The following HKDC1 variants were observed in gnomAD, a reference collection of about 807,000 sequenced individuals.
The protein encoded by HKDC1 is hexokinase domain containing 1.
A neutral mutation model predicts 96.6 loss-of-function variants in HKDC1; 66 were observed. The observed-to-expected ratio is 0.68, with a 90% CI of 0.56 to 0.84. The LOEUF is 0.84. Among genes scored for constraint, HKDC1 ranks in the 40% least tolerant of loss-of-function variants. The probability of loss-of-function intolerance (pLI) is 0.00; values close to 1 mark genes in which losing one functional copy is unlikely to be tolerated. For synonymous variants in HKDC1, 466 were observed against 473.1 expected (o/e 0.98, Z 0.20); for missense variants, 1,211 against 1,208.1 (o/e 1.00, Z -0.04).
intron 7 of HKDC1, 66 bp downstream of exon 7, chr10:69,243,431 G>T: frequency 7.2e-7 from 1 of 1,385,108 alleles, no homozygotes; most frequent in South Asian, 1.5e-5. Flanking sequence ...CAGGTCCCCT[G>T]GCTACCTGGG....
At chr10:69,242,286 G>C (rs933040444) in intron 6 of HKDC1, among the ~76,000 whole-genome samples, 12 of 66,834 alleles carry the variant, frequency 1.8e-4, no homozygotes, top group Non-Finnish European at 1.8e-4. Context: ...CCACAGATTG[G>C]GGGGGCCACG....
At chr10:69,260,235 C>A (rs1843784717) in intron 15 of HKDC1, among the ~76,000 whole-genome samples, 1 of 152,206 alleles carries the variant, frequency 6.6e-6, no homozygotes, top group Non-Finnish European at 1.5e-5. Context: ...GAGGCTCAGA[C>A]AAGACCAAGA....
intron 6 of HKDC1, among the ~76,000 whole-genome samples, chr10:69,242,656 G>A (rs909961205): frequency 2.6e-5 from 4 of 152,318 alleles, no homozygotes; most frequent in South Asian, 2.1e-4. Context: ...TTTCCTTGGA[G>A]CGATTTTGTG....
At chr10:69,264,101 C>T (rs966236656) in intron 16 of HKDC1, among the ~76,000 whole-genome samples, 3 of 152,028 alleles carry the variant, frequency 2.0e-5, no homozygotes, top group African/African-American at 7.2e-5. Context: ...GGTGAGCCGA[C>T]ATCATTGCAC....
intron 9 of HKDC1, among the ~76,000 whole-genome samples, chr10:69,248,189 G>T (rs1843573084): frequency 6.9e-6 from 1 of 145,808 alleles, no homozygotes. Flanking sequence ...GCACAGACTG[G>T]TTGAAATGTT....
At chr10:69,251,452 T>A (rs1019985995) in intron 12 of HKDC1, among the ~76,000 whole-genome samples, 3 of 152,162 alleles carry the variant, frequency 2.0e-5, no homozygotes, top group Non-Finnish European at 2.9e-5. Flanking sequence ...TATTCAAGAT[T>A]GTTTTGGCTA....
In HKDC1 at chr10:69,233,266, G is replaced by A. The variant is rs1843302373; in HGVS notation, c.495+133G>A. 5 of 1,285,848 alleles carry A rather than the reference G, an allele frequency of 3.9e-6. No homozygotes were observed. In the Admixed American group the frequency reaches 1.1e-4, roughly 29 times the overall value. 79.7% of individuals were successfully genotyped at this position (1,285,848 alleles called of 1,614,324 possible). On this transcript the variant is annotated intron_variant, in intron 4 of 17. Transcript: ENST00000354624. ...GTCTTTTTCTTTTCTTTTTGTTCAT[G>A]ATGAGGTGGCAGCGTGAGGCAGAGA...
At chr10:69,257,685 T>TG (rs35748446) in intron 14 of HKDC1, among the ~76,000 whole-genome samples, 11,497 of 150,456 alleles carry the variant, frequency 0.076, 1,046 homozygotes, top group African/African-American at 0.21. Context: ...CCAATTGTCA[T>TG]GGGGGGGGGA....
intron 17 of HKDC1, 107 bp downstream of exon 17, chr10:69,265,925 C>T: frequency 1.3e-6 from 1 of 792,806 alleles, no homozygotes. Flanking sequence ...GCATCCCCGT[C>T]CTTTTATGGG....
chr10:69,266,463 T>TTAAA, intron 17 of HKDC1, 147 bp from the exon 18 acceptor site: 4 of 548,752 alleles, frequency 7.3e-6, no homozygotes, highest in Non-Finnish European at 1.2e-5. Flanking sequence ...AGACCATGTC[T>TTAAA]AAAAAAAAAA....
chr10:69,230,736 C>T (rs978389385), intron 2 of HKDC1, among the ~76,000 whole-genome samples: 5 of 152,216 alleles, frequency 3.3e-5, no homozygotes, highest in African/African-American at 9.6e-5. Context: ...GCTTCAGCCT[C>T]CCAAGTAGCT....
chr10:69,250,042 G>A (rs546485255), intron 10 of HKDC1, among the ~76,000 whole-genome samples: 5 of 152,198 alleles, frequency 3.3e-5, no homozygotes, highest in African/African-American at 9.6e-5. Flanking sequence ...CCTCACTGGC[G>A]ATAGTGTAGG....
chr10:69,243,131 T>C (rs761014232), intron 6 of HKDC1, 51 bp from the exon 7 acceptor site: 5 of 1,580,004 alleles, frequency 3.2e-6, no homozygotes, highest in Non-Finnish European at 4.3e-6. Context: ...TCTCTGTCTG[T>C]GCCCAGCTGG....
chr10:69,233,608 G>T (rs553997373), intron 4 of HKDC1, among the ~76,000 whole-genome samples: 1 of 152,228 alleles, frequency 6.6e-6, no homozygotes, highest in South Asian at 2.1e-4. Context: ...TAGAATGGGG[G>T]CACTGGAGGA....
Position 69,247,548 on chromosome 10 carries a change from G to T in HKDC1, c.1220G>T (p.Arg407Leu), listed in dbSNP as rs199822492. 3 of 1,614,102 alleles carry T rather than the reference G, an allele frequency of 1.9e-6. No individual in the cohort carries two copies. In the South Asian group the frequency reaches 3.3e-5, roughly 18 times the overall value. ...LRENKKVERL[R>L]TTVGMDGTLY... ...GAGAACAAGAAGGTGGAACGGCTCC[G>T]GACCACAGTGGGCATGGACGGCACC... Residue 407 changes from arginine (R) to leucine (L), a missense_variant, in exon 9 of 18, where the codon CGG becomes CTG. Physicochemically the swap from Arg to Leu is moderately radical, Grantham distance 102. Coordinates refer to ENST00000354624, the MANE Select transcript of HKDC1 (RefSeq NM_025130.4).
In HKDC1 at chr10:69,243,319, T is replaced by A; in HGVS notation, c.829T>A (p.Phe277Ile). The stretch of plus-strand genomic sequence containing the variant: ...GGCCCTGGAGGACATTCGCACTGAG[T>A]TCGACAGGGAGCTGGACCTCGGCTC... ...DGALEDIRTEFDRELDLGSLN... is the reference protein window; with the variant it reads ...DGALEDIRTEIDRELDLGSLN... The change falls in exon 7 of 18, where the codon TTC (phenylalanine) becomes ATC (isoleucine). Residue 277 changes from phenylalanine to isoleucine, a missense_variant. By Grantham distance (21) the Phe-to-Ile change is conservative. Transcript: ENST00000354624. 6.2e-7 allele frequency: 1 copy of A among 1,611,462 alleles called. No homozygotes were observed. The highest frequency in any genetic ancestry group is 8.5e-7 in the Non-Finnish European group (1 of 1,178,622).
At chr10:69,230,593 C>T (rs1054247754) in intron 2 of HKDC1, among the ~76,000 whole-genome samples, 3 of 152,196 alleles carry the variant, frequency 2.0e-5, no homozygotes, top group African/African-American at 7.2e-5. Context: ...AAGCAATTTA[C>T]CCCGCTTAGG....
intron 1 of HKDC1, among the ~76,000 whole-genome samples, chr10:69,225,459 T>A (rs909610192): frequency 6.6e-6 from 1 of 152,172 alleles, no homozygotes; most frequent in Non-Finnish European, 1.5e-5. Flanking sequence ...CCTGGTTCCA[T>A]CCTGTTTCTC....
rs1231462930 is a variant in HKDC1, at chr10:69,265,624, G to A, written c.2412G>A (p.Gln804=). The A allele has an allele frequency of 5.6e-6, 9 of 1,613,728 alleles. No homozygotes were observed. Among genetic ancestry groups the A allele is most frequent in the African/African-American group, 1.3e-5 (1 of 74,934 alleles). ...TTCTCCAGGTCAGGAGGATTCTGCA[G>A]CAGCTGGGCCTGGACAGCACGTGTG... ...LALLQVRRIL[Q]QLGLDSTCED... Residue 804 remains glutamine, a synonymous_variant, in exon 17 of 18, where the codon CAG becomes CAA. Coordinates refer to ENST00000354624, the MANE Select transcript of HKDC1 (RefSeq NM_025130.4).
Sources: gnomAD v4.1 joint callset for allele counts (sites outside exome capture counted in the v4.1 genomes callset) on GRCh38, gnomAD v4.1.1 for gene constraint, MANE v1.5 for transcripts, NCBI Gene and HGNC (gene_info 2026-07-23, HGNC 2026-07-21) for gene names.